The following PARD3B variants were observed in gnomAD, a reference collection of about 807,000 sequenced individuals.
PARD3B encodes the protein par-3 family cell polarity regulator beta, also known as partitioning defective 3 homolog B.
Under a neutral mutation model 130.2 loss-of-function variants are expected in PARD3B, and 103 were observed. The ratio of observed to expected loss-of-function variants is 0.79; its 90% CI spans 0.67 to 0.93. The LOEUF is 0.93. Ranked by LOEUF, PARD3B falls within the 40% of genes least tolerant of loss-of-function variation. The pLI is 0.00. For missense variants in PARD3B, 1,609 were observed against 1,499.2 expected (o/e 1.07, Z -1.21); for synonymous variants, 583 against 553.2 (o/e 1.05, Z -0.76).
chr2:204,701,014 A>C (rs1420436744), intron 2 of PARD3B, among the ~76,000 whole-genome samples: 1 of 152,030 alleles, frequency 6.6e-6, no homozygotes, highest in African/African-American at 2.4e-5. Flanking sequence ...TGGGCATATA[A>C]ATTTCTTTTG....
intron 2 of PARD3B, among the ~76,000 whole-genome samples, chr2:204,711,777 A>C (rs2038448566): frequency 6.6e-6 from 1 of 152,052 alleles, no homozygotes. Context: ...CGAACTCCTG[A>C]CTTCAATTGA....
chr2:205,044,690 G>T (rs961567744), intron 3 of PARD3B, among the ~76,000 whole-genome samples: 4 of 152,226 alleles, frequency 2.6e-5, no homozygotes, highest in East Asian at 1.9e-4. Flanking sequence ...TCATCATAGA[G>T]TCTGGATATT....
intron 18 of PARD3B, among the ~76,000 whole-genome samples, chr2:205,358,563 G>A (rs531661380): frequency 1.5e-4 from 23 of 152,212 alleles, no homozygotes; most frequent in African/African-American, 3.9e-4. Context: ...CCCAAGGGGC[G>A]TGTGAATCAT....
intron 2 of PARD3B, among the ~76,000 whole-genome samples, chr2:204,944,308 G>T (rs778062173): frequency 6.6e-6 from 1 of 152,228 alleles, no homozygotes; most frequent in African/African-American, 2.4e-5. Flanking sequence ...GAGCTGAGCT[G>T]TAGAGGGTAG....
intron 2 of PARD3B, among the ~76,000 whole-genome samples, chr2:204,803,145 A>G (rs1323921054): frequency 3.1e-5 from 2 of 63,848 alleles, no homozygotes; most frequent in Non-Finnish European, 5.1e-5. Flanking sequence ...GTGCTGAAGG[A>G]AAAAAAAAAA....
At chr2:205,052,065 G>A (rs1699227242) in intron 4 of PARD3B, among the ~76,000 whole-genome samples, 1 of 152,088 alleles carries the variant, frequency 6.6e-6, no homozygotes, top group Non-Finnish European at 1.5e-5. Context: ...TTTCTTGATT[G>A]TAACCTGGTG....
At chr2:205,025,453 T>C (rs1299905892) in intron 3 of PARD3B, among the ~76,000 whole-genome samples, 2 of 152,186 alleles carry the variant, frequency 1.3e-5, no homozygotes, top group Non-Finnish European at 2.9e-5. Flanking sequence ...TTTTATTATC[T>C]TGGAGGAATT....
At chr2:204,584,583 A>G (rs997751236) in intron 1 of PARD3B, among the ~76,000 whole-genome samples, 2 of 152,166 alleles carry the variant, frequency 1.3e-5, no homozygotes, top group African/African-American at 4.8e-5. Context: ...CAAAAGGGCC[A>G]TCTGGGTAAT....
intron 2 of PARD3B, among the ~76,000 whole-genome samples, chr2:204,843,367 T>A (rs1262774052): frequency 6.6e-6 from 1 of 152,020 alleles, no homozygotes. Flanking sequence ...CTCACAGAAC[T>A]CAGTTAGTTT....
chr2:204,945,396 G>A (rs902459363), intron 2 of PARD3B, among the ~76,000 whole-genome samples: 1 of 152,126 alleles, frequency 6.6e-6, no homozygotes, highest in African/African-American at 2.4e-5. Context: ...AGCTAGCTCG[G>A]GTAGTTTTAT....
chr2:204,820,324 C>T (rs1178774374), intron 2 of PARD3B, among the ~76,000 whole-genome samples: 1 of 151,252 alleles, frequency 6.6e-6, no homozygotes, highest in Non-Finnish European at 1.5e-5. Flanking sequence ...TGATCCACCC[C>T]CCTTGGCCTC....
intron 2 of PARD3B, among the ~76,000 whole-genome samples, chr2:204,783,883 G>A (rs930683263): frequency 6.6e-6 from 1 of 152,042 alleles, no homozygotes; most frequent in Non-Finnish European, 1.5e-5. Context: ...TCTTCGATGA[G>A]ATTTCTTTTG....
intron 3 of PARD3B, among the ~76,000 whole-genome samples, chr2:205,009,747 T>G (rs563438795): frequency 6.6e-6 from 1 of 152,268 alleles, no homozygotes; most frequent in East Asian, 1.9e-4. Context: ...GGGTCATAGG[T>G]TATTGTAACA....
chr2:204,841,603 T>G (rs960836351), intron 2 of PARD3B, among the ~76,000 whole-genome samples: 8 of 152,106 alleles, frequency 5.3e-5, no homozygotes, highest in Admixed American at 1.3e-4. Flanking sequence ...GTCTTTAACA[T>G]GGACAGATTT....
At chr2:204,819,807 A>G (rs960121176) in intron 2 of PARD3B, among the ~76,000 whole-genome samples, 20 of 152,146 alleles carry the variant, frequency 1.3e-4, no homozygotes, top group African/African-American at 4.6e-4. Flanking sequence ...AGAAAATAAA[A>G]CCAGTCACAA....
In PARD3B at chr2:205,301,290, C is replaced by G. The variant is rs1189654175; in HGVS notation, c.2393-174C>G. Among the ~76,000 whole-genome samples the G allele has an allele frequency of 6.6e-6, 1 of 152,154 alleles. No individual in the cohort carries two copies. The highest frequency in any genetic ancestry group is 1.5e-5 in the Non-Finnish European group (1 of 68,032). On this transcript the variant is annotated intron_variant, in intron 17 of 22. Transcript: ENST00000406610. This position sits in a 1 kb window ranked among gnomAD's most constrained non-coding sequence, Gnocchi z 5.2. ...CCCACTCCCAGCATCAAGTCTTGCT[C>G]GAAGTAACCAGATTTAGGCAGTCAG...
intron 2 of PARD3B, among the ~76,000 whole-genome samples, chr2:204,864,038 TC>T (rs2125633592): frequency 6.6e-6 from 1 of 152,298 alleles, no homozygotes; most frequent in South Asian, 2.1e-4. Context: ...ATGGGGGTGT[TC>T]CTTTCATCTT....
At chr2:205,209,496 A>C (rs1202014682) in intron 15 of PARD3B, among the ~76,000 whole-genome samples, 4 of 152,080 alleles carry the variant, frequency 2.6e-5, no homozygotes, top group Admixed American at 6.6e-5. Flanking sequence ...TCTCCTTGCA[A>C]ATATGAACCA....
chr2:205,225,755 C>T (rs2038510280), intron 15 of PARD3B, among the ~76,000 whole-genome samples: 1 of 152,146 alleles, frequency 6.6e-6, no homozygotes, highest in Admixed American at 6.5e-5. Flanking sequence ...TTTAAACAAT[C>T]AGATCTCATG....
Sources: allele counts gnomAD v4.1 joint callset (sites outside exome capture counted in the v4.1 genomes callset), GRCh38; gene constraint gnomAD v4.1.1; non-coding constraint Gnocchi (gnomAD v3.1); transcripts MANE v1.5; gene names NCBI Gene and HGNC (gene_info 2026-07-23, HGNC 2026-07-21).